Variants in CNTN5 observed in about 807,000 individuals in gnomAD.
The protein encoded by CNTN5 is contactin 5, also known as contactin-5.
In CNTN5, 77 loss-of-function variants were observed where a neutral mutation model predicts 129.1. That is an observed-to-expected ratio of 0.60 (90% CI 0.50 to 0.72). The LOEUF is 0.72. Ranked by LOEUF, CNTN5 falls within the 30% of genes least tolerant of loss-of-function variation. The pLI, the probability that CNTN5 is intolerant of heterozygous loss-of-function variation, is 0.00. For missense variants in CNTN5, 1,478 were observed against 1,328.8 expected, an observed-to-expected ratio of 1.11 and a Z score of -1.75; for synonymous variants, 509 against 465.6, an observed-to-expected ratio of 1.09 and a Z score of -1.20.
chr11:100,002,249 CTATT>C (rs1469429961), intron 9 of CNTN5, 113 bp downstream of exon 9: 3 of 618,034 alleles, frequency 4.9e-6, no homozygotes, highest in Non-Finnish European at 5.2e-6. Context: ...TCCATGGTGG[CTATT>C]TATTTTCTAA....
chr11:99,565,057 G>C (rs1317721710), intron 3 of CNTN5, among the ~76,000 whole-genome samples: 2 of 151,980 alleles, frequency 1.3e-5, no homozygotes, highest in Non-Finnish European at 2.9e-5. Context: ...AGTACAAATA[G>C]CTTCCTTTTT....
chr11:99,719,639 A>C (rs1336952374), intron 3 of CNTN5, among the ~76,000 whole-genome samples: 2 of 152,046 alleles, frequency 1.3e-5, no homozygotes, highest in African/African-American at 4.8e-5. Context: ...AGAATTAGAG[A>C]TGCAAGAACA....
At chr11:99,369,967 T>G (rs2136129805) in intron 2 of CNTN5, among the ~76,000 whole-genome samples, 1 of 152,296 alleles carries the variant, frequency 6.6e-6, no homozygotes, top group Non-Finnish European at 1.5e-5. Flanking sequence ...CAAAGTTATG[T>G]CATTACATAG....
chr11:99,410,892 T>C (rs1453167539), intron 2 of CNTN5, among the ~76,000 whole-genome samples: 1 of 152,224 alleles, frequency 6.6e-6, no homozygotes, highest in African/African-American at 2.4e-5. Context: ...TCAGCAGTTT[T>C]GTGCACTCTC....
At chr11:99,032,585 A>G (rs1216632140) in intron 1 of CNTN5, among the ~76,000 whole-genome samples, 3 of 152,096 alleles carry the variant, frequency 2.0e-5, no homozygotes, top group Non-Finnish European at 4.4e-5. Context: ...GTGCCTGTTC[A>G]TGTCCTTCAC....
intron 2 of CNTN5, among the ~76,000 whole-genome samples, chr11:99,471,649 T>A (rs1438752887): frequency 6.6e-6 from 1 of 151,474 alleles, no homozygotes; most frequent in Non-Finnish European, 1.5e-5. Flanking sequence ...TTTTTTTTCC[T>A]GAGGATTATA....
At chr11:99,426,600 A>G (rs575944297) in intron 2 of CNTN5, among the ~76,000 whole-genome samples, 1 of 152,314 alleles carries the variant, frequency 6.6e-6, no homozygotes, top group East Asian at 1.9e-4. Context: ...ACACTGGCAC[A>G]AATGCTGGTC....
At chr11:99,339,414 C>G (rs1023710705) in intron 2 of CNTN5, among the ~76,000 whole-genome samples, 1 of 151,914 alleles carries the variant, frequency 6.6e-6, no homozygotes, top group Non-Finnish European at 1.5e-5. Context: ...CCAATGTTTG[C>G]TCTGAGGCAT....
intron 9 of CNTN5, among the ~76,000 whole-genome samples, chr11:100,058,511 T>C (rs1011767888): frequency 1.3e-5 from 2 of 152,090 alleles, no homozygotes; most frequent in African/African-American, 4.8e-5. Flanking sequence ...AATTCTAGGA[T>C]CTATTAAAAG....
intron 2 of CNTN5, among the ~76,000 whole-genome samples, chr11:99,513,525 C>G (rs1946923455): frequency 6.6e-6 from 1 of 152,072 alleles, no homozygotes; most frequent in Admixed American, 6.6e-5. Context: ...ATACAGGCAG[C>G]CTCTCTTGTT....
intron 2 of CNTN5, among the ~76,000 whole-genome samples, chr11:99,494,285 C>T (rs1946144720): frequency 6.6e-6 from 1 of 152,232 alleles, no homozygotes. Flanking sequence ...GGTGTAACTC[C>T]AAAATAATGG....
chr11:99,680,575 A>G (rs1444128914), intron 3 of CNTN5, among the ~76,000 whole-genome samples: 3 of 152,178 alleles, frequency 2.0e-5, no homozygotes, highest in Non-Finnish European at 4.4e-5. Context: ...CGGCTCATTG[A>G]CAGCATCCCT....
chr11:99,657,178 CA>C (rs767823948), intron 3 of CNTN5, among the ~76,000 whole-genome samples: 1 of 151,906 alleles, frequency 6.6e-6, no homozygotes, highest in Non-Finnish European at 1.5e-5. Context: ...TTGTAAATTA[CA>C]AAAAACATTC....
In CNTN5 at chr11:99,819,736, A is replaced by G. The variant is rs202073412; in HGVS notation, c.248A>G (p.Tyr83Cys). 5.6e-6 allele frequency: 9 copies of G among 1,606,116 alleles called. No homozygotes were observed. In the Admixed American group the frequency reaches 8.6e-5, roughly 15 times the overall value. Residue 83 changes from tyrosine (Y) to cysteine (C), a missense_variant, in exon 4 of 25, where the codon TAT becomes TGT. Physicochemically the swap from Tyr to Cys is radical, Grantham distance 194. Transcript: ENST00000524871. Reference protein sequence around the residue: ...AQNYYSPINLYHSSDAFKQDE... With the variant: ...AQNYYSPINLCHSSDAFKQDE... The stretch of plus-strand genomic sequence containing the variant: ...AATTATTATTCCCCCATCAATCTTT[A>G]TCATTCCTCAGATGCCTTCAAACAA...
At chr11:99,219,231 C>T (rs1310776234) in intron 1 of CNTN5, among the ~76,000 whole-genome samples, 1 of 151,748 alleles carries the variant, frequency 6.6e-6, no homozygotes, top group African/African-American at 2.4e-5. Flanking sequence ...TATTAACATT[C>T]TGGAAGTATA....
At chr11:99,892,366 A>G (rs562048417) in intron 6 of CNTN5, among the ~76,000 whole-genome samples, 6 of 152,048 alleles carry the variant, frequency 3.9e-5, no homozygotes, top group African/African-American at 7.2e-5. Context: ...TTTTGTTGCC[A>G]TTGCTTTTGG....
chr11:99,510,328 A>C (rs2135409074), intron 2 of CNTN5, among the ~76,000 whole-genome samples: 1 of 152,234 alleles, frequency 6.6e-6, no homozygotes, highest in Non-Finnish European at 1.5e-5. Flanking sequence ...ACTCTCAAAC[A>C]CTGTTGGTGA....
intron 1 of CNTN5, among the ~76,000 whole-genome samples, chr11:99,054,497 A>G (rs1337466259): frequency 6.6e-6 from 1 of 151,954 alleles, no homozygotes; most frequent in Non-Finnish European, 1.5e-5. Context: ...CGAAGAACAT[A>G]GGCAGAGTTA....
At chr11:99,434,653 A>G (rs962526044) in intron 2 of CNTN5, among the ~76,000 whole-genome samples, 1 of 152,118 alleles carries the variant, frequency 6.6e-6, no homozygotes, top group Non-Finnish European at 1.5e-5. Flanking sequence ...AATTATTACC[A>G]ATAGGAACTT....
Sources: allele counts gnomAD v4.1 joint callset (sites outside exome capture counted in the v4.1 genomes callset), GRCh38; gene constraint gnomAD v4.1.1; transcripts MANE v1.5; gene names NCBI Gene and HGNC (gene_info 2026-07-23, HGNC 2026-07-21).